Variants in UBXN7 observed in about 807,000 individuals in gnomAD.
UBXN7 encodes UBX domain-containing protein 7.
A neutral mutation model predicts 58.0 loss-of-function variants in UBXN7; 9 were observed. The observed-to-expected ratio is 0.16, with a 90% CI of 0.09 to 0.27. The LOEUF (loss-of-function observed/expected upper bound fraction) is 0.27, where lower values mean the gene tolerates loss of function less well. Ranked by LOEUF, UBXN7 falls within the 10% of genes least tolerant of loss-of-function variation. The pLI is 1.00. For missense variants in UBXN7, 328 were observed against 599.6 expected, an observed-to-expected ratio of 0.55 and a Z score of 4.73; for synonymous variants, 208 against 205.0, an observed-to-expected ratio of 1.01 and a Z score of -0.12.
chr3:196,421,664 CT>C (rs762066220), intron 1 of UBXN7, among the ~76,000 whole-genome samples: 28 of 151,854 alleles, frequency 1.8e-4, no homozygotes, highest in Non-Finnish European at 3.5e-4. Flanking sequence ...GTAGTCCCAG[CT>C]ACTTGGGAGG....
intron 1 of UBXN7, among the ~76,000 whole-genome samples, chr3:196,418,065 C>T (rs1187491468): frequency 1.3e-5 from 2 of 151,982 alleles, no homozygotes; most frequent in Non-Finnish European, 1.5e-5. Context: ...ATGTGAAACC[C>T]TGTCTCTACT....
At chr3:196,391,355 T>C (rs1434372611) in intron 5 of UBXN7, among the ~76,000 whole-genome samples, 2 of 152,180 alleles carry the variant, frequency 1.3e-5, no homozygotes, top group Non-Finnish European at 2.9e-5. Flanking sequence ...ATGTAACCTT[T>C]AGGCATATCA....
At chr3:196,363,203 C>T (rs1164129794) in intron 8 of UBXN7, among the ~76,000 whole-genome samples, 2 of 31,386 alleles carry the variant, frequency 6.4e-5, no homozygotes, top group Non-Finnish European at 1.4e-4. Context: ...GCACCTGGCA[C>T]ATACATACAT....
chr3:196,420,289 T>C (rs962151073), intron 1 of UBXN7, among the ~76,000 whole-genome samples: 1 of 152,090 alleles, frequency 6.6e-6, no homozygotes. Flanking sequence ...TCCCAGCACT[T>C]TGGGAGGCCA....
At chr3:196,412,230 C>CAAAAA (rs55746914) in intron 1 of UBXN7, among the ~76,000 whole-genome samples, 2 of 89,080 alleles carry the variant, frequency 2.2e-5, no homozygotes, top group African/African-American at 9.9e-5. Flanking sequence ...GACTTTGTCT[C>CAAAAA]AAAAAAAAAA....
chr3:196,380,694 G>A (rs540343794), intron 5 of UBXN7, among the ~76,000 whole-genome samples: 1 of 152,382 alleles, frequency 6.6e-6, no homozygotes, highest in South Asian at 2.1e-4. Flanking sequence ...CCTGGGAAGT[G>A]CAAGGGGTCG....
At chr3:196,414,935 T>C (rs1236343688) in intron 1 of UBXN7, among the ~76,000 whole-genome samples, 1 of 152,106 alleles carries the variant, frequency 6.6e-6, no homozygotes, top group Non-Finnish European at 1.5e-5. Flanking sequence ...AAAACACAAA[T>C]GCAACTTTTT....
At chr3:196,431,891 T>G (rs866160460) in intron 1 of UBXN7, 3 of 355,246 alleles carry the variant, frequency 8.4e-6, no homozygotes, top group South Asian at 6.1e-5. Flanking sequence ...CAGAATGACC[T>G]GGCCGGGGAA....
At chr3:196,408,892 A>G (rs1352075001) in intron 1 of UBXN7, among the ~76,000 whole-genome samples, 1 of 152,090 alleles carries the variant, frequency 6.6e-6, no homozygotes, top group Non-Finnish European at 1.5e-5. Context: ...GATTTTATTT[A>G]TCCTCTTTGG....
At chr3:196,363,639 A>G (rs1458527667) in intron 8 of UBXN7, among the ~76,000 whole-genome samples, 1 of 152,068 alleles carries the variant, frequency 6.6e-6, no homozygotes, top group African/African-American at 2.4e-5. Flanking sequence ...CACACAAATG[A>G]TAACAAAGCA....
At chr3:196,404,958 A>G (rs1730114545) in intron 2 of UBXN7, among the ~76,000 whole-genome samples, 1 of 152,170 alleles carries the variant, frequency 6.6e-6, no homozygotes, top group Non-Finnish European at 1.5e-5. Context: ...GTTCAAGACC[A>G]GCCTGGGCAA....
chr3:196,374,106 T>C (rs573364975), intron 5 of UBXN7, among the ~76,000 whole-genome samples: 37 of 152,304 alleles, frequency 2.4e-4, no homozygotes, highest in African/African-American at 8.7e-4. Context: ...AGAAACAGTA[T>C]TTGAAAATAA....
chr3:196,429,321 C>A (rs1418893258), intron 1 of UBXN7, among the ~76,000 whole-genome samples: 2 of 148,558 alleles, frequency 1.3e-5, no homozygotes, highest in Non-Finnish European at 3.0e-5. Context: ...AGCGAGACTC[C>A]GTCTCAAAAA....
chr3:196,368,437 T>C (rs2108831244), intron 7 of UBXN7, among the ~76,000 whole-genome samples: 1 of 152,336 alleles, frequency 6.6e-6, no homozygotes, highest in East Asian at 1.9e-4. Context: ...ATTATCTCTT[T>C]CAGCATATGC....
Position 196,410,816 on chromosome 3 carries a change from C to T in UBXN7, c.74-3423G>A, listed in dbSNP as rs1351989264. Among the ~76,000 whole-genome samples the T allele has an allele frequency of 2.0e-5, 3 of 147,316 alleles. No individual in the cohort carries two copies. In the East Asian group the frequency reaches 5.8e-4, roughly 29 times the overall value. Reference sequence around the variant, plus strand: ...CAGCCTGGGCAACGGAGCAAGACTCCATCTCAAAAAAAAAAAAAATCCCTT... The same window carrying T: ...CAGCCTGGGCAACGGAGCAAGACTCTATCTCAAAAAAAAAAAAAATCCCTT... On this transcript the variant is annotated intron_variant, in intron 1 of 10. Coordinates refer to ENST00000296328, the MANE Select transcript of UBXN7 (RefSeq NM_015562.2).
At chr3:196,393,817 T>C (rs1252605583) in intron 3 of UBXN7, 198 bp from the exon 4 acceptor site, 2 of 403,148 alleles carry the variant, frequency 5.0e-6, no homozygotes, top group East Asian at 8.0e-5. Context: ...GAGCACAGTA[T>C]TTCTTGTTTT....
chr3:196,411,703 C>CG (rs1235002536), intron 1 of UBXN7, among the ~76,000 whole-genome samples: 1 of 151,684 alleles, frequency 6.6e-6, no homozygotes, highest in Admixed American at 6.6e-5. Context: ...CCCAGCTACT[C>CG]GGGAGGCTGA....
chr3:196,409,028 A>G (rs979421535), intron 1 of UBXN7, among the ~76,000 whole-genome samples: 2 of 152,102 alleles, frequency 1.3e-5, no homozygotes, highest in African/African-American at 4.8e-5. Context: ...CTCCAATTAG[A>G]TGTATGTTAC....
Position 196,386,765 on chromosome 3 carries a change from A to G in UBXN7, c.468+5048T>C, listed in dbSNP as rs150617583. On this transcript the variant is annotated intron_variant, in intron 5 of 10. Coordinates refer to ENST00000296328, the MANE Select transcript of UBXN7 (RefSeq NM_015562.2). ...ATGCTCATGGATAGGAAGAATCAATACCTGAAAATGGCCATATTGCCCAAA... is the reference window on the plus strand; with the variant it reads ...ATGCTCATGGATAGGAAGAATCAATGCCTGAAAATGGCCATATTGCCCAAA... Among the ~76,000 whole-genome samples the G allele has an allele frequency of 5.7e-3, 863 of 152,276 alleles. 9 individuals are homozygous for G. Among genetic ancestry groups the G allele is most frequent in the African/African-American group, 0.02 (825 of 41,560 alleles).
Sources: allele counts gnomAD v4.1 joint callset (sites outside exome capture counted in the v4.1 genomes callset), GRCh38; gene constraint gnomAD v4.1.1; transcripts MANE v1.5; gene names NCBI Gene and HGNC (gene_info 2026-07-23, HGNC 2026-07-21).